Variants in LRRK1 observed in about 807,000 individuals in gnomAD.
LRRK1 encodes the protein leucine-rich repeat serine/threonine-protein kinase 1.
A neutral mutation model predicts 209.1 loss-of-function variants in LRRK1; 113 were observed. The ratio of observed to expected loss-of-function variants is 0.54; its 90% CI spans 0.46 to 0.63. The LOEUF is 0.63. Among genes scored for constraint, LRRK1 ranks in the 30% least tolerant of loss-of-function variants. LRRK1 has a pLI of 0.00. For synonymous variants in LRRK1, 1,144 were observed against 1,099.7 expected (o/e 1.04, Z -0.80); for missense variants, 2,284 against 2,632.2 (o/e 0.87, Z 2.89).
intron 6 of LRRK1, among the ~76,000 whole-genome samples, chr15:100,999,757 C>A (rs2032602913): frequency 6.6e-6 from 1 of 152,100 alleles, no homozygotes; most frequent in African/African-American, 2.4e-5. Flanking sequence ...TTTCTCTGAT[C>A]GTGTCACTGA....
At position 101,008,838 on chromosome 15, in the gene LRRK1, C is replaced by A; in HGVS notation, c.764C>A (p.Ala255Asp). The stretch of plus-strand genomic sequence containing the variant: ...CTTTTCCTTTCTTTCCACCACCAGG[C>A]TCTCCGTGTGAAATGGTCCCATCTC... ...PLPSSYPGKT[A>D]LRVKWSHLRL... The change falls in exon 7 of 34, where the codon GCT (alanine) becomes GAT (aspartate). Residue 255 changes from alanine to aspartate, a missense_variant and splice_region_variant. By Grantham distance (126) the Ala-to-Asp change is moderately radical. Coordinates refer to ENST00000388948, the MANE Select transcript of LRRK1 (RefSeq NM_024652.6). 1 of 1,611,334 alleles carries A rather than the reference C, an allele frequency of 6.2e-7. No individual in the cohort carries two copies. Among genetic ancestry groups the A allele is most frequent in the Non-Finnish European group, 8.5e-7 (1 of 1,177,438 alleles).
At chr15:100,967,302 CA>C (rs1357131441) in intron 2 of LRRK1, among the ~76,000 whole-genome samples, 4 of 152,212 alleles carry the variant, frequency 2.6e-5, no homozygotes, top group Non-Finnish European at 5.9e-5. Context: ...TTCCTCTTTT[CA>C]AAAGCACACA....
At chr15:101,010,308 CACT>C in intron 7 of LRRK1, 139 bp from the exon 8 acceptor site, 1 of 811,574 alleles carries the variant, frequency 1.2e-6, no homozygotes, top group Non-Finnish European at 1.9e-6. Context: ...AAATCATATG[CACT>C]ACATTTTCAA....
intron 31 of LRRK1, 84 bp from the exon 32 acceptor site, chr15:101,065,268 C>A: frequency 6.6e-7 from 1 of 1,509,918 alleles, no homozygotes; most frequent in Non-Finnish European, 8.9e-7. Flanking sequence ...GGTGTGGGTG[C>A]AGATGAGTCC....
At chr15:101,033,714 G>A (rs2034380096) in intron 20 of LRRK1, among the ~76,000 whole-genome samples, 4 of 152,132 alleles carry the variant, frequency 2.6e-5, no homozygotes, top group South Asian at 2.1e-4. Flanking sequence ...TTTGAATAGT[G>A]CTGCAATAGA....
chr15:100,933,968 C>T (rs2042252496), intron 2 of LRRK1, among the ~76,000 whole-genome samples: 1 of 151,570 alleles, frequency 6.6e-6, no homozygotes, highest in Non-Finnish European at 1.5e-5. Flanking sequence ...GCGTTGTGCT[C>T]CTGTGTTTTG....
chr15:101,026,260 G>C, intron 17 of LRRK1, 123 bp downstream of exon 17: 2 of 957,700 alleles, frequency 2.1e-6, no homozygotes, highest in Non-Finnish European at 3.1e-6. Flanking sequence ...CTGGCCAAGG[G>C]TGGCCATCCA....
chr15:101,062,504 T>G (rs985464626), intron 30 of LRRK1, 70 bp from the exon 31 acceptor site: 1 of 1,090,024 alleles, frequency 9.2e-7, no homozygotes, highest in South Asian at 1.2e-5. Flanking sequence ...TGCATCCTCA[T>G]GGGAATGGCT....
chr15:101,000,127 T>C (rs1396705012), intron 6 of LRRK1, among the ~76,000 whole-genome samples: 6 of 152,144 alleles, frequency 3.9e-5, no homozygotes, highest in Non-Finnish European at 4.4e-5. Context: ...AAGGAAACTG[T>C]CCCCCATTTT....
chr15:101,057,316 T>C (rs2035868293), intron 28 of LRRK1, among the ~76,000 whole-genome samples: 1 of 152,240 alleles, frequency 6.6e-6, no homozygotes, highest in African/African-American at 2.4e-5. Flanking sequence ...TAAACCCCTT[T>C]ATAACAATAC....
intron 1 of LRRK1, chr15:100,920,054 C>T (rs920591712): frequency 3.3e-5 from 5 of 152,512 alleles, no homozygotes; most frequent in African/African-American, 1.2e-4. Flanking sequence ...GGCGCAGATA[C>T]AACTGCTCTG....
rs370054115 is a variant in LRRK1, at chr15:101,015,741, A to G, written c.1609+339A>G. Among the ~76,000 whole-genome samples the G allele has an allele frequency of 8.5e-5, 13 of 152,338 alleles. No individual in the cohort carries two copies. The South Asian group carries it at 1.7e-3, about 19-fold the overall frequency. On this transcript the variant is annotated intron_variant, in intron 12 of 33. Transcript: ENST00000388948. ...ATCCTCACAACGTGAGGTATGGGCC[A>G]CATTTCCCCATTTTGCACGTGGGGA...
At chr15:101,018,544 C>T (rs954680584) in intron 12 of LRRK1, among the ~76,000 whole-genome samples, 1 of 152,084 alleles carries the variant, frequency 6.6e-6, no homozygotes, top group Non-Finnish European at 1.5e-5. Flanking sequence ...CCGAATCCTT[C>T]CTGGGACCAC....
intron 4 of LRRK1, among the ~76,000 whole-genome samples, chr15:100,986,789 C>T (rs1031402522): frequency 1.3e-5 from 2 of 152,240 alleles, no homozygotes; most frequent in African/African-American, 4.8e-5. Flanking sequence ...ATACATTCCC[C>T]TACACTCCTT....
chr15:101,060,040 G>A (rs1448459792), intron 29 of LRRK1, among the ~76,000 whole-genome samples: 2 of 152,218 alleles, frequency 1.3e-5, no homozygotes, highest in African/African-American at 4.8e-5. Flanking sequence ...TCATCCCAGA[G>A]GGAAGACAGA....
chr15:100,971,349 G>GA (rs991792571), intron 2 of LRRK1, among the ~76,000 whole-genome samples: 1 of 135,578 alleles, frequency 7.4e-6, no homozygotes, highest in African/African-American at 2.9e-5. Flanking sequence ...AAAAAAAAAA[G>GA]AAAAGAAAAA....
At chr15:100,939,394 A>G (rs1274779316) in intron 2 of LRRK1, among the ~76,000 whole-genome samples, 3 of 152,106 alleles carry the variant, frequency 2.0e-5, no homozygotes, top group Non-Finnish European at 2.9e-5. Flanking sequence ...CACCTTCCCT[A>G]TGTTTTTGTA....
chr15:101,058,619 G>GGGAGTGGGT (rs1042586261), intron 29 of LRRK1, among the ~76,000 whole-genome samples: 1 of 141,788 alleles, frequency 7.1e-6, no homozygotes, highest in African/African-American at 3.0e-5. Flanking sequence ...AGGGGCAACG[G>GGGAGTGGGT]GGGGGGGCGT....
In LRRK1 at chr15:101,064,787, TGAA is replaced by T. The variant is rs142456195; in HGVS notation, c.4915-563_4915-561del. ...AGGTGGAGTCACAGGGCCACCAAGA[TGAA>T]GGAGACTGAGCCCTTCCCTGTGCCA... is the stretch of plus-strand genomic sequence containing the variant. On this transcript the variant is annotated intron_variant, in intron 31 of 33. Coordinates refer to ENST00000388948, the MANE Select transcript of LRRK1 (RefSeq NM_024652.6). 1,128 of 155,774 alleles carry T rather than the reference TGAA, an allele frequency of 7.2e-3. 16 individuals carry two copies. Among genetic ancestry groups the T allele is most frequent in the African/African-American group, 0.026 (1,079 of 41,448 alleles). The allele number at this position is 155,774 out of a possible 1,614,324, so 9.6% of individuals were successfully genotyped here.
Sources: allele counts gnomAD v4.1 joint callset (sites outside exome capture counted in the v4.1 genomes callset), GRCh38; gene constraint gnomAD v4.1.1; transcripts MANE v1.5; gene names NCBI Gene and HGNC (gene_info 2026-07-23, HGNC 2026-07-21).